The following SLMAP variants were observed in gnomAD, a reference collection of about 807,000 sequenced individuals.
SLMAP encodes the protein sarcolemmal membrane-associated protein.
A neutral mutation model predicts 128.8 loss-of-function variants in SLMAP; 44 were observed. The observed-to-expected ratio is 0.34, with a 90% CI of 0.27 to 0.44. The LOEUF is 0.44. Ranked by LOEUF, SLMAP falls within the 20% of genes least tolerant of loss-of-function variation. SLMAP has a pLI of 1.00. For missense variants in SLMAP, 787 were observed against 985.3 expected (o/e 0.80, Z 2.69); for synonymous variants, 327 against 348.8 (o/e 0.94, Z 0.70).
At position 57,929,697 on chromosome 3, in the gene SLMAP, A is replaced by C. The variant is rs11922824; in HGVS notation, c.*2408A>C. ...CTACATGGCAGGGTTAGAGAATAAA[A>C]AGAACGTGGTGTTTGAAGCAAAACA... On this transcript the variant is annotated 3_prime_UTR_variant, in exon 25 of 25. Transcript: ENST00000671191. Among the ~76,000 whole-genome samples the C allele has an allele frequency of 4.7e-3, 715 of 152,348 alleles. 7 individuals are homozygous for C. Among genetic ancestry groups the C allele is most frequent in the Non-Finnish European group, 5.8e-3 (396 of 68,028 alleles).
At chr3:57,833,325 G>T (rs182670328) in intron 3 of SLMAP, among the ~76,000 whole-genome samples, 174 of 152,216 alleles carry the variant, frequency 1.1e-3, no homozygotes, top group Middle Eastern at 6.8e-3. Flanking sequence ...ATCTGTGAGG[G>T]TCTATCTGTG....
At chr3:57,894,110 T>A (rs1447166001) in intron 15 of SLMAP, among the ~76,000 whole-genome samples, 1 of 152,184 alleles carries the variant, frequency 6.6e-6, no homozygotes, top group Non-Finnish European at 1.5e-5. Context: ...AAAATATATT[T>A]TAATTTCCTT....
At chr3:57,823,996 CT>C (rs2092736514) in intron 2 of SLMAP, among the ~76,000 whole-genome samples, 1 of 151,790 alleles carries the variant, frequency 6.6e-6, no homozygotes, top group Non-Finnish European at 1.5e-5. Flanking sequence ...TTTCATGTGT[CT>C]TTTGGCTGCA....
At chr3:57,877,658 C>G (rs2095633972) in intron 14 of SLMAP, among the ~76,000 whole-genome samples, 1 of 151,844 alleles carries the variant, frequency 6.6e-6, no homozygotes, top group African/African-American at 2.4e-5. Context: ...TCTAACATAT[C>G]TACCAGATTT....
At chr3:57,855,263 A>G (rs954329552) in intron 6 of SLMAP, among the ~76,000 whole-genome samples, 6 of 152,030 alleles carry the variant, frequency 3.9e-5, no homozygotes, top group African/African-American at 9.7e-5. Flanking sequence ...CTGTAGTCCC[A>G]GCTACTCGGG....
intron 2 of SLMAP, among the ~76,000 whole-genome samples, chr3:57,772,790 G>A (rs867319334): frequency 2.0e-5 from 3 of 151,930 alleles, no homozygotes; most frequent in Admixed American, 6.6e-5. Flanking sequence ...ACAGGCATGC[G>A]CCACCACGCC....
intron 13 of SLMAP, among the ~76,000 whole-genome samples, chr3:57,869,633 TATATATATATATATATATATATATATA>T (rs2095424272): frequency 9.1e-6 from 1 of 110,240 alleles, no homozygotes; most frequent in Non-Finnish European, 1.7e-5. Context: ...ATCTCTATTA[TATATATATATATATATATATATATATA>T]ATATATATAA....
intron 5 of SLMAP, among the ~76,000 whole-genome samples, chr3:57,848,434 TCTTCTTCGTC>T (rs1482252024): frequency 6.6e-6 from 1 of 151,578 alleles, no homozygotes; most frequent in African/African-American, 2.4e-5. Context: ...CCTTCTTTTT[TCTTCTTCGTC>T]CTTCTTCCTT....
At chr3:57,828,714 A>G (rs993769278) in intron 2 of SLMAP, among the ~76,000 whole-genome samples, 1 of 152,344 alleles carries the variant, frequency 6.6e-6, no homozygotes, top group Middle Eastern at 3.4e-3. Flanking sequence ...CAAAGGTACC[A>G]TGGTATGCTT....
At chr3:57,822,196 C>G (rs942129443) in intron 2 of SLMAP, among the ~76,000 whole-genome samples, 2 of 151,974 alleles carry the variant, frequency 1.3e-5, no homozygotes, top group African/African-American at 2.4e-5. Flanking sequence ...GAAATTGGCT[C>G]TATGTATTCT....
At chr3:57,859,420 G>A (rs2094945799) in intron 8 of SLMAP, among the ~76,000 whole-genome samples, 2 of 151,944 alleles carry the variant, frequency 1.3e-5, no homozygotes, top group Non-Finnish European at 2.9e-5. Flanking sequence ...TTAGCATAGT[G>A]GTACATAACC....
intron 19 of SLMAP, among the ~76,000 whole-genome samples, chr3:57,910,019 C>T (rs2096656810): frequency 6.6e-6 from 1 of 151,640 alleles, no homozygotes; most frequent in Non-Finnish European, 1.5e-5. Flanking sequence ...GTTGGTAAGA[C>T]TGTCACTTTC....
At position 57,871,596 on chromosome 3, in the gene SLMAP, C is replaced by G. The variant is rs781545124; in HGVS notation, c.1238-40C>G. On this transcript the variant is annotated intron_variant, in intron 13 of 24. Coordinates refer to ENST00000671191, the MANE Select transcript of SLMAP (RefSeq NM_001377540.1). ...CTTTGCTGTTGGTTTTCAAAGACAGCAACAAACTATATCCTTAAAGGTGTT... is the reference window on the plus strand; with the variant it reads ...CTTTGCTGTTGGTTTTCAAAGACAGGAACAAACTATATCCTTAAAGGTGTT... 3 of 1,537,918 alleles carry G rather than the reference C, an allele frequency of 2.0e-6. No homozygotes were observed. In the South Asian group the frequency reaches 3.4e-5, roughly 17 times the overall value.
rs564190611 is a variant in SLMAP at position 57,895,333 on chromosome 3, C to T, written c.1361-1178C>T. 4.1e-3 allele frequency among the ~76,000 whole-genome samples: 627 copies of T among 151,228 alleles called. 5 individuals carry two copies. The highest frequency in any genetic ancestry group is 0.015 in the African/African-American group (599 of 41,298). The stretch of plus-strand genomic sequence containing the variant: ...TAAACAATTTCAAAACTTTTTTTTT[C>T]TTTCTTTCTTTCTTTATTTTGAGAC... On this transcript the variant is annotated intron_variant, in intron 15 of 24. Coordinates refer to ENST00000671191, the MANE Select transcript of SLMAP (RefSeq NM_001377540.1).
chr3:57,856,034 C>G (rs1284556370), intron 6 of SLMAP, among the ~76,000 whole-genome samples: 1 of 151,080 alleles, frequency 6.6e-6, no homozygotes, highest in African/African-American at 2.4e-5. Context: ...CAGAGAGAGA[C>G]TTCGTCTCAG....
intron 15 of SLMAP, 82 bp downstream of exon 15, chr3:57,890,182 T>A: frequency 1.5e-6 from 2 of 1,361,646 alleles, no homozygotes; most frequent in Non-Finnish European, 2.1e-6. Context: ...TTATAGTATT[T>A]TAACCATCAG....
chr3:57,820,654 C>G (rs896002307), intron 2 of SLMAP, among the ~76,000 whole-genome samples: 2 of 152,138 alleles, frequency 1.3e-5, no homozygotes, highest in Non-Finnish European at 2.9e-5. Flanking sequence ...TTGATTCTGC[C>G]CTCCTAGCGA....
At chr3:57,776,269 A>T (rs1442335696) in intron 2 of SLMAP, among the ~76,000 whole-genome samples, 1 of 152,186 alleles carries the variant, frequency 6.6e-6, no homozygotes, top group Non-Finnish European at 1.5e-5. Flanking sequence ...TATACATTTA[A>T]CATTGTTACC....
intron 2 of SLMAP, among the ~76,000 whole-genome samples, chr3:57,771,867 TC>T (rs1238055667): frequency 6.6e-6 from 1 of 152,232 alleles, no homozygotes; most frequent in Non-Finnish European, 1.5e-5. Flanking sequence ...TTGTACAGTT[TC>T]CCTGTTAAAG....
Sources: allele counts gnomAD v4.1 joint callset (sites outside exome capture counted in the v4.1 genomes callset), GRCh38; gene constraint gnomAD v4.1.1; transcripts MANE v1.5; gene names NCBI Gene and HGNC (gene_info 2026-07-23, HGNC 2026-07-21).